RARB: variants seen among roughly 807,000 people sequenced by gnomAD.
The protein encoded by RARB is retinoic acid receptor beta, also known as HBV-activated protein.
A neutral mutation model predicts 51.9 loss-of-function variants in RARB; 17 were observed. The ratio of observed to expected loss-of-function variants is 0.33; its 90% confidence interval spans 0.22 to 0.49. The LOEUF (loss-of-function observed/expected upper bound fraction) is 0.49. Among genes scored for constraint, RARB ranks in the 20% least tolerant of loss-of-function variants. The pLI, the probability that RARB is intolerant of heterozygous loss-of-function variation, is 0.99. For synonymous variants in RARB, 215 were observed against 195.4 expected, an observed-to-expected ratio of 1.10 and a Z score of -0.84; for missense variants, 369 against 550.8, an observed-to-expected ratio of 0.67 and a Z score of 3.30.
intron 5 of RARB, among the ~76,000 whole-genome samples, chr3:25,273,886 TGCAG>T (rs1703313518): frequency 6.6e-6 from 1 of 152,176 alleles, no homozygotes; most frequent in Non-Finnish European, 1.5e-5. Context: ...AGGTTATGGG[TGCAG>T]GCCCCAACTT....
chr3:25,203,407 A>C (rs191378943), intron 5 of RARB, among the ~76,000 whole-genome samples: 550 of 152,318 alleles, frequency 3.6e-3, no homozygotes, highest in Non-Finnish European at 6.9e-3. Flanking sequence ...TGTGTCTTTT[A>C]ATTGGAGCAT....
At chr3:24,988,802 C>T (rs1168254517) in intron 2 of RARB, among the ~76,000 whole-genome samples, 1 of 152,004 alleles carries the variant, frequency 6.6e-6, no homozygotes, top group Non-Finnish European at 1.5e-5. Flanking sequence ...TTGATGGCCA[C>T]TTATTATTTG....
At chr3:24,852,053 C>T (rs1435508805) in intron 1 of RARB, among the ~76,000 whole-genome samples, 2 of 152,200 alleles carry the variant, frequency 1.3e-5, no homozygotes, top group African/African-American at 4.8e-5. Flanking sequence ...ATTTTCCAAC[C>T]TGCTTGCTGG....
At chr3:25,174,363 C>G in exon 5 of RARB, 1 of 1,347,156 alleles carries the variant, frequency 7.4e-7, no homozygotes, top group Non-Finnish European at 9.8e-7. Context: ...TGTGTTCCTG[C>G]TCCAGAGCAC....
At chr3:24,874,344 A>G (rs1035166724) in intron 2 of RARB, among the ~76,000 whole-genome samples, 2 of 152,032 alleles carry the variant, frequency 1.3e-5, no homozygotes, top group Non-Finnish European at 2.9e-5. Flanking sequence ...AACCCTATTA[A>G]TTTTGTTCTT....
At chr3:25,217,669 T>C (rs1283224285) in intron 5 of RARB, among the ~76,000 whole-genome samples, 3 of 152,338 alleles carry the variant, frequency 2.0e-5, no homozygotes, top group African/African-American at 7.2e-5. Flanking sequence ...GAGACTCCCT[T>C]TCCTCATCTG....
At position 25,169,786 on chromosome 3, in the gene RARB, G is replaced by A. The variant is rs540162716; in HGVS notation, c.-279-4333G>A. 6.6e-5 allele frequency among the ~76,000 whole-genome samples: 10 copies of A among 152,028 alleles called. No homozygotes were observed. In the South Asian group the frequency reaches 1.2e-3, roughly 19 times the overall value. Reference sequence around the variant, plus strand: ...AAGGATCACTTGAGTCCAGGAGTTCGAGACCAGCCCAGGCAACATAACAAA... The same window carrying A: ...AAGGATCACTTGAGTCCAGGAGTTCAAGACCAGCCCAGGCAACATAACAAA... On this transcript the variant is annotated intron_variant, in intron 4 of 11. Transcript: ENST00000383772.
chr3:25,593,732 A>G (rs767302742), intron 6 of RARB, 25 bp downstream of exon 6: 33 of 1,594,124 alleles, frequency 2.1e-5, no homozygotes, highest in Non-Finnish European at 2.8e-5. Flanking sequence ...GAAAAGCCTC[A>G]TGAAATTCCA....
chr3:25,354,203 A>G (rs923985208), intron 5 of RARB, among the ~76,000 whole-genome samples: 2 of 152,108 alleles, frequency 1.3e-5, no homozygotes, highest in Non-Finnish European at 2.9e-5. Context: ...TTCAAGTTAG[A>G]CAAGTCTATA....
At chr3:25,067,218 A>G (rs1669941801) in intron 3 of RARB, among the ~76,000 whole-genome samples, 1 of 152,218 alleles carries the variant, frequency 6.6e-6, no homozygotes, top group Non-Finnish European at 1.5e-5. Flanking sequence ...AATTGAAACC[A>G]GAGGTTGGAT....
intron 2 of RARB, among the ~76,000 whole-genome samples, chr3:25,030,126 C>G (rs748715178): frequency 3.3e-5 from 5 of 152,122 alleles, no homozygotes; most frequent in Non-Finnish European, 7.4e-5. Flanking sequence ...TAGTCAATAC[C>G]TTTTCTATTA....
chr3:25,133,688 G>C (rs961565467), intron 4 of RARB, among the ~76,000 whole-genome samples: 1 of 151,756 alleles, frequency 6.6e-6, no homozygotes, highest in African/African-American at 2.4e-5. Flanking sequence ...TTTCAATACA[G>C]CAGGCTTGTA....
chr3:25,237,495 A>C (rs1038311804), intron 5 of RARB, among the ~76,000 whole-genome samples: 2 of 152,146 alleles, frequency 1.3e-5, no homozygotes, highest in African/African-American at 4.8e-5. Context: ...ACATGAGCAG[A>C]TAATATTTGT....
chr3:25,014,994 C>A (rs1697477825), intron 2 of RARB, among the ~76,000 whole-genome samples: 1 of 152,100 alleles, frequency 6.6e-6, no homozygotes, highest in South Asian at 2.1e-4. Flanking sequence ...AACTGTGACA[C>A]AGTCAGGAAA....
chr3:25,082,387 G>A (rs1699025190), intron 3 of RARB, among the ~76,000 whole-genome samples: 2 of 151,380 alleles, frequency 1.3e-5, no homozygotes, highest in Non-Finnish European at 2.9e-5. Flanking sequence ...ATTTTTGTTT[G>A]TTTTTTAGTA....
At chr3:24,838,520 A>G (rs1425409481) in intron 1 of RARB, among the ~76,000 whole-genome samples, 2 of 152,208 alleles carry the variant, frequency 1.3e-5, no homozygotes, top group Non-Finnish European at 2.9e-5. Context: ...TGACAAGTAT[A>G]TTGGAAAGCT....
At chr3:25,098,472 C>A (rs913639545) in intron 3 of RARB, among the ~76,000 whole-genome samples, 2 of 152,152 alleles carry the variant, frequency 1.3e-5, no homozygotes, top group Non-Finnish European at 2.9e-5. Context: ...CAATTCCTAC[C>A]TGTGTAATAT....
chr3:25,135,621 A>G (rs1700021094), intron 4 of RARB, among the ~76,000 whole-genome samples: 1 of 152,054 alleles, frequency 6.6e-6, no homozygotes, highest in Non-Finnish European at 1.5e-5. Flanking sequence ...ATAGCCAGAA[A>G]AGCCAGAAAC....
intron 2 of RARB, among the ~76,000 whole-genome samples, chr3:24,886,160 G>T (rs755751303): frequency 2.0e-5 from 3 of 152,072 alleles, no homozygotes; most frequent in Non-Finnish European, 2.9e-5. Flanking sequence ...CACTATTTTC[G>T]CCTCTTAGGC....
Sources: allele counts gnomAD v4.1 joint callset (sites outside exome capture counted in the v4.1 genomes callset), GRCh38; gene constraint gnomAD v4.1.1; transcripts MANE v1.5; gene names NCBI Gene and HGNC (gene_info 2026-07-23, HGNC 2026-07-21).